Variants in SPATS2L observed in about 807,000 individuals in gnomAD.
The protein encoded by SPATS2L is SPATS2-like protein.
SPATS2L carries 30 observed loss-of-function variants against 59.6 expected under a neutral mutation model. The ratio of observed to expected loss-of-function variants is 0.50; its 90% CI spans 0.38 to 0.68. The LOEUF (loss-of-function observed/expected upper bound fraction) is 0.68. Ranked by LOEUF, SPATS2L falls within the 30% of genes least tolerant of loss-of-function variation. The pLI is 0.00. For synonymous variants in SPATS2L, 252 were observed against 263.5 expected (o/e 0.96, Z 0.42); for missense variants, 615 against 700.0 (o/e 0.88, Z 1.37).
At chr2:200,319,778 T>G (rs1353471296) in intron 1 of SPATS2L, among the ~76,000 whole-genome samples, 2 of 152,160 alleles carry the variant, frequency 1.3e-5, no homozygotes, top group Non-Finnish European at 2.9e-5. Context: ...TCCAAGCCTT[T>G]TTTCCTAACA....
chr2:200,414,569 G>A (rs1046611250), intron 4 of SPATS2L, among the ~76,000 whole-genome samples: 2 of 152,020 alleles, frequency 1.3e-5, no homozygotes, highest in East Asian at 3.9e-4. Flanking sequence ...AGTCGAGGCT[G>A]CAGTGAGCCA....
intron 12 of SPATS2L, among the ~76,000 whole-genome samples, chr2:200,476,954 T>C (rs1208866186): frequency 2.6e-5 from 4 of 152,228 alleles, no homozygotes; most frequent in Non-Finnish European, 1.5e-5. Context: ...GAACGTATTC[T>C]TCCCCTGAAG....
At chr2:200,446,313 T>C (rs2085039545) in intron 8 of SPATS2L, among the ~76,000 whole-genome samples, 1 of 152,160 alleles carries the variant, frequency 6.6e-6, no homozygotes, top group South Asian at 2.1e-4. Context: ...CCAGCCTAGG[T>C]GACAGAGTGA....
At chr2:200,350,149 G>A (rs1344059705) in intron 2 of SPATS2L, among the ~76,000 whole-genome samples, 4 of 152,164 alleles carry the variant, frequency 2.6e-5, no homozygotes, top group Non-Finnish European at 4.4e-5. Flanking sequence ...CGTGGCTACG[G>A]TGAGTGAGGT....
intron 8 of SPATS2L, among the ~76,000 whole-genome samples, chr2:200,442,097 A>T (rs1279158874): frequency 6.6e-6 from 1 of 152,098 alleles, no homozygotes; most frequent in African/African-American, 2.4e-5. Context: ...ACCTCCCCCC[A>T]ACCCCAGTCA....
At position 200,330,633 on chromosome 2, in the gene SPATS2L, A is replaced by G. The variant is rs573554354; in HGVS notation, c.-23+1153A>G. On this transcript the variant is annotated intron_variant, in intron 2 of 12. Coordinates refer to ENST00000409140, the MANE Select transcript of SPATS2L (RefSeq NM_001100423.2). Reference sequence around the variant, plus strand: ...ACTATGTAGATCCTGGCAGCCTTCTACCCATCAGACAAGCAAGGGCACAAT... The same window carrying G: ...ACTATGTAGATCCTGGCAGCCTTCTGCCCATCAGACAAGCAAGGGCACAAT... 1.4e-4 allele frequency among the ~76,000 whole-genome samples: 22 copies of G among 152,296 alleles called. 1 individual carries two copies. In the South Asian group the frequency reaches 4.4e-3, roughly 30 times the overall value.
intron 8 of SPATS2L, among the ~76,000 whole-genome samples, chr2:200,449,610 ATAAAG>A (rs796192023): frequency 5.3e-5 from 8 of 152,194 alleles, no homozygotes; most frequent in African/African-American, 1.9e-4. Context: ...AAATAGAAAA[ATAAAG>A]AGGAAATAAG....
At chr2:200,341,001 C>G (rs374084708) in intron 2 of SPATS2L, among the ~76,000 whole-genome samples, 1 of 152,180 alleles carries the variant, frequency 6.6e-6, no homozygotes, top group South Asian at 2.1e-4. Context: ...GCGCTTGTGG[C>G]CCTAAAATAC....
At position 200,396,058 on chromosome 2, in the gene SPATS2L, ATATATATATT is replaced by A. The variant is rs1230034180; in HGVS notation, c.39+6777_39+6786del. ...AATATATATATATATATATATATAT[ATATATATATT>A]TTCCCATAGAACCAAGATTGGAAAG... On this transcript the variant is annotated intron_variant, in intron 3 of 12. Transcript: ENST00000409140. Among the ~76,000 whole-genome samples, 860 of 96,776 alleles carry A rather than the reference ATATATATATT, an allele frequency of 8.9e-3. 86 individuals carry two copies. Among genetic ancestry groups the A allele is most frequent in the Non-Finnish European group, 0.014 (643 of 47,402 alleles). 63.5% of individuals were successfully genotyped at this position (96,776 alleles called of 152,430 possible).
chr2:200,440,218 C>T (rs746470376), intron 7 of SPATS2L, among the ~76,000 whole-genome samples: 1 of 152,240 alleles, frequency 6.6e-6, no homozygotes, highest in Non-Finnish European at 1.5e-5. Flanking sequence ...GATGCCCCAT[C>T]CTCTCTCTAT....
At chr2:200,459,882 C>A in intron 9 of SPATS2L, 55 bp downstream of exon 9, 1 of 1,321,038 alleles carries the variant, frequency 7.6e-7, no homozygotes, top group Non-Finnish European at 1.1e-6. Flanking sequence ...AGAAGCAATC[C>A]ATAGGTCAGA....
At chr2:200,420,346 A>G (rs1445721540) in intron 6 of SPATS2L, among the ~76,000 whole-genome samples, 2 of 152,252 alleles carry the variant, frequency 1.3e-5, no homozygotes, top group Non-Finnish European at 2.9e-5. Context: ...CAATAAATAA[A>G]AATATAAGAC....
intron 3 of SPATS2L, among the ~76,000 whole-genome samples, chr2:200,404,108 T>C (rs1287519929): frequency 6.6e-6 from 1 of 152,262 alleles, no homozygotes; most frequent in Admixed American, 6.5e-5. Context: ...TCATAATTTA[T>C]CTCCTCTCTT....
intron 2 of SPATS2L, among the ~76,000 whole-genome samples, chr2:200,364,476 C>CAGAAAGAAATTAAGAAA (rs2081205208): frequency 6.6e-6 from 1 of 152,118 alleles, no homozygotes; most frequent in African/African-American, 2.4e-5. Flanking sequence ...TTTAGGTTGC[C>CAGAAAGAAATTAAGAAA]GATGGACTTC....
intron 2 of SPATS2L, among the ~76,000 whole-genome samples, chr2:200,382,137 C>T (rs990822569): frequency 6.6e-6 from 1 of 152,122 alleles, no homozygotes; most frequent in African/African-American, 2.4e-5. Flanking sequence ...CTCACTGCAA[C>T]TTCCGCCCCA....
Position 200,439,140 on chromosome 2 carries a change from A to C in SPATS2L, c.464A>C (p.Gln155Pro). 6.2e-7 allele frequency: 1 copy of C among 1,613,648 alleles called. No homozygotes were observed. The highest frequency in any genetic ancestry group is 2.2e-5 in the East Asian group (1 of 44,856). The stretch of plus-strand genomic sequence containing the variant: ...CTTACAGAAGGCAACAGACTACTGC[A>C]ACAGAAACTATCCTTAGATGGGAAC... ...RGVTEGNRLL[Q>P]QKLSLDGNPK... The change falls in exon 7 of 13, where the codon CAA becomes CCA. Residue 155 changes from glutamine to proline, a missense_variant. Coordinates refer to ENST00000409140, the MANE Select transcript of SPATS2L (RefSeq NM_001100423.2).
intron 8 of SPATS2L, among the ~76,000 whole-genome samples, chr2:200,446,442 A>ATG (rs2085049855): frequency 6.6e-6 from 1 of 152,154 alleles, no homozygotes; most frequent in Admixed American, 6.5e-5. Flanking sequence ...GTGGTTCTCA[A>ATG]TGGGACAATT....
At chr2:200,389,427 G>T in intron 3 of SPATS2L, 144 bp downstream of exon 3, 1 of 567,422 alleles carries the variant, frequency 1.8e-6, no homozygotes, top group South Asian at 2.6e-5. Flanking sequence ...AAACTGTTCA[G>T]CAGAAAGAAT....
intron 6 of SPATS2L, among the ~76,000 whole-genome samples, chr2:200,425,722 C>T (rs1203348498): frequency 2.6e-5 from 4 of 152,152 alleles, no homozygotes; most frequent in Admixed American, 6.5e-5. Flanking sequence ...CTACAGGAAG[C>T]GGACAAGACA....
Sources: gnomAD v4.1 joint callset for allele counts (sites outside exome capture counted in the v4.1 genomes callset) on GRCh38, gnomAD v4.1.1 for gene constraint, MANE v1.5 for transcripts, NCBI Gene and HGNC (gene_info 2026-07-23, HGNC 2026-07-21) for gene names.